The following SFI1 variants were observed in gnomAD, a reference collection of about 807,000 sequenced individuals.
SFI1 encodes the protein SFI1 centrin binding protein, also known as protein SFI1 homolog.
A neutral mutation model predicts 207.5 loss-of-function variants in SFI1; 195 were observed. The ratio of observed to expected loss-of-function variants is 0.94; its 90% CI spans 0.84 to 1.06. The LOEUF is 1.06. Ranked by LOEUF, SFI1 falls within the 50% of genes least tolerant of loss-of-function variation. SFI1 has a pLI of 0.00. For synonymous variants in SFI1, 630 were observed against 598.9 expected (o/e 1.05, Z -0.76); for missense variants, 1,634 against 1,588.0 (o/e 1.03, Z -0.49).
chr22:31,593,056 G>A lies in SFI1; in HGVS notation c.1544+3479G>A, dbSNP rs1484694490. 3.0e-5 allele frequency among the ~76,000 whole-genome samples: 4 copies of A among 133,616 alleles called. 1 individual carries two copies. Among genetic ancestry groups the A allele is most frequent in the African/African-American group, 1.2e-4 (4 of 34,598 alleles). The allele number at this position is 133,616 out of a possible 152,430, so 87.7% of individuals were successfully genotyped here. On this transcript the variant is annotated intron_variant, in intron 15 of 32. Transcript: ENST00000400288. ...GGGCTGACCCCCCCACCTCCCTCCC[G>A]GACGGCACGGCTGGCCGGGCGGGGG... is the stretch of plus-strand genomic sequence containing the variant.
chr22:31,563,847 A>T (rs2148338153), intron 8 of SFI1, among the ~76,000 whole-genome samples: 1 of 151,954 alleles, frequency 6.6e-6, no homozygotes, highest in East Asian at 1.9e-4. Context: ...TCGGCCTCCC[A>T]AAGTGCTGGG....
At chr22:31,553,838 G>GTTTTTTTTTTTTTTTT (rs58333559) in intron 6 of SFI1, among the ~76,000 whole-genome samples, 1 of 26,308 alleles carries the variant, frequency 3.8e-5, no homozygotes, top group African/African-American at 1.3e-4. Context: ...AATGGATTAT[G>GTTTTTTTTTTTTTTTT]TTTTTTTTTT....
At chr22:31,611,416 T>G in intron 23 of SFI1, 113 bp downstream of exon 23, 2 of 1,320,842 alleles carry the variant, frequency 1.5e-6, no homozygotes, top group Non-Finnish European at 1.0e-6. Context: ...ATGCAGCCGG[T>G]ATGAGTGGTG....
At chr22:31,511,812 C>T (rs1829841482) in intron 2 of SFI1, among the ~76,000 whole-genome samples, 1 of 151,832 alleles carries the variant, frequency 6.6e-6, no homozygotes, top group South Asian at 2.1e-4. Context: ...GCCACCACGC[C>T]CAGGTAATTT....
chr22:31,506,051 T>C (rs2146540412), intron 1 of SFI1, among the ~76,000 whole-genome samples: 1 of 147,848 alleles, frequency 6.8e-6, no homozygotes, highest in East Asian at 2.0e-4. Flanking sequence ...AATCCTGTCT[T>C]TTTTTTTTTT....
intron 1 of SFI1, among the ~76,000 whole-genome samples, chr22:31,507,801 G>A (rs779558608): frequency 1.3e-5 from 2 of 152,186 alleles, no homozygotes; most frequent in Non-Finnish European, 2.9e-5. Flanking sequence ...GAGGCTGGGT[G>A]TGGTGGCTCA....
At chr22:31,521,128 T>C (rs1180207090) in intron 2 of SFI1, 1 of 153,766 alleles carries the variant, frequency 6.5e-6, no homozygotes, top group Non-Finnish European at 1.5e-5. Context: ...TGTATTCCCC[T>C]GGAATCACCA....
chr22:31,569,659 A>G (rs548784452), intron 8 of SFI1, among the ~76,000 whole-genome samples: 106 of 152,304 alleles, frequency 7.0e-4, no homozygotes, highest in Admixed American at 2.9e-3. Flanking sequence ...TGTTAGGAGT[A>G]CATCAGAGCC....
intron 15 of SFI1, among the ~76,000 whole-genome samples, chr22:31,589,792 T>TTATTTA (rs1208496619): frequency 6.6e-6 from 1 of 152,050 alleles, no homozygotes; most frequent in Non-Finnish European, 1.5e-5. Context: ...ATTTATTTAT[T>TTATTTA]TTTTTTGTGT....
chr22:31,544,390 A>G (rs963302555), intron 4 of SFI1, among the ~76,000 whole-genome samples: 3 of 152,090 alleles, frequency 2.0e-5, no homozygotes, highest in African/African-American at 7.2e-5. Flanking sequence ...TTAATTTCCT[A>G]TGTTTGTAAA....
rs752783219 is a variant in SFI1 at position 31,617,046 on chromosome 22, A to G, written c.3480A>G (p.Leu1160=). The G allele has an allele frequency of 1.2e-6, 2 of 1,613,914 alleles. No homozygotes were observed. The highest frequency in any genetic ancestry group is 1.7e-6 in the Non-Finnish European group (2 of 1,180,016). The change falls in exon 31 of 33, where the codon CTA becomes CTG. Residue 1160 remains leucine (L), a synonymous_variant. Coordinates refer to ENST00000400288, the MANE Select transcript of SFI1 (RefSeq NM_001007467.3). ...EAELEEIQQQ[L]LHYQTTKQNL... ...AACTTGAGGAGATCCAGCAGCAACT[A>G]CTGCACTACCAGACCACCAAGCAGA...
At chr22:31,606,823 G>A in intron 21 of SFI1, 1 of 160,430 alleles carries the variant, frequency 6.2e-6, no homozygotes, top group Non-Finnish European at 1.3e-5. Flanking sequence ...TCAACCTCCC[G>A]AGTAGCTGGG....
At chr22:31,555,998 AAGTGGTAATTTACTTATT>A (rs1204421069) in intron 6 of SFI1, among the ~76,000 whole-genome samples, 1 of 152,172 alleles carries the variant, frequency 6.6e-6, no homozygotes, top group Non-Finnish European at 1.5e-5. Flanking sequence ...ATTTGCTTAT[AAGTGGTAATTTACTTATT>A]AGTGGTGACT....
intron 14 of SFI1, 48 bp downstream of exon 14, chr22:31,585,182 A>T (rs1411277997): frequency 1.3e-6 from 2 of 1,508,662 alleles, no homozygotes; most frequent in Admixed American, 1.7e-5. Context: ...ACATTCTTGG[A>T]CCCATTTGCT....
At chr22:31,614,265 CTCTT>C in intron 27 of SFI1, 1 of 322,382 alleles carries the variant, frequency 3.1e-6, no homozygotes, top group Non-Finnish European at 6.0e-6. Context: ...TCAGAAGCCC[CTCTT>C]TCTTGTGTGA....
intron 14 of SFI1, chr22:31,587,548 G>T: frequency 6.1e-6 from 1 of 163,384 alleles, no homozygotes; most frequent in Non-Finnish European, 1.3e-5. Context: ...CCCAAGCTCT[G>T]CCTGCCTCAG....
At chr22:31,563,544 G>A (rs1283825129) in intron 8 of SFI1, among the ~76,000 whole-genome samples, 1 of 151,998 alleles carries the variant, frequency 6.6e-6, no homozygotes, top group African/African-American at 2.4e-5. Context: ...TGATGCTACT[G>A]TTGCTCAGAA....
intron 2 of SFI1, among the ~76,000 whole-genome samples, chr22:31,520,193 A>G (rs1251437405): frequency 6.6e-6 from 1 of 151,558 alleles, no homozygotes; most frequent in African/African-American, 2.4e-5. Context: ...AAAAAAAAAG[A>G]TAAGACCTTG....
intron 18 of SFI1, 37 bp from the exon 19 acceptor site, chr22:31,604,272 C>T (rs369528954): frequency 6.5e-7 from 1 of 1,531,674 alleles, no homozygotes; most frequent in Non-Finnish European, 8.8e-7. Context: ...CAACTCAGAC[C>T]CCAGCCCACG....
Sources: gnomAD v4.1 joint callset for allele counts (sites outside exome capture counted in the v4.1 genomes callset) on GRCh38, gnomAD v4.1.1 for gene constraint, MANE v1.5 for transcripts, NCBI Gene and HGNC (gene_info 2026-07-23, HGNC 2026-07-21) for gene names.